Variants in FIGN observed in about 807,000 individuals in gnomAD.
FIGN encodes fidgetin, microtubule severing factor.
A neutral mutation model predicts 51.3 loss-of-function variants in FIGN; 11 were observed. That is an observed-to-expected ratio of 0.21 (90% CI 0.13 to 0.35). The LOEUF (loss-of-function observed/expected upper bound fraction) is 0.35, where lower values mean the gene tolerates loss of function less well. Ranked by LOEUF, FIGN falls within the 10% of genes least tolerant of loss-of-function variation. The pLI is 1.00. For missense variants in FIGN, 857 were observed against 943.6 expected, an observed-to-expected ratio of 0.91 and a Z score of 1.20; for synonymous variants, 407 against 363.2, an observed-to-expected ratio of 1.12 and a Z score of -1.37.
intron 2 of FIGN, among the ~76,000 whole-genome samples, chr2:163,670,654 T>C (rs1683861584): frequency 6.6e-6 from 1 of 152,234 alleles, no homozygotes; most frequent in South Asian, 2.1e-4. Flanking sequence ...TCGATGTATA[T>C]ATTGTAGAAA....
intron 2 of FIGN, among the ~76,000 whole-genome samples, chr2:163,627,963 T>C (rs1004056466): frequency 4.0e-4 from 61 of 152,270 alleles, no homozygotes; most frequent in African/African-American, 1.4e-3. Flanking sequence ...AGAGAAAATA[T>C]ATTGTAAGTC....
chr2:163,689,924 A>G (rs1054871728), intron 2 of FIGN, among the ~76,000 whole-genome samples: 4 of 152,170 alleles, frequency 2.6e-5, no homozygotes, highest in African/African-American at 9.6e-5. Flanking sequence ...TGTAACTAGA[A>G]TACTTGTACT....
intron 2 of FIGN, among the ~76,000 whole-genome samples, chr2:163,694,485 G>A (rs1313710426): frequency 6.6e-6 from 1 of 152,152 alleles, no homozygotes; most frequent in Non-Finnish European, 1.5e-5. Flanking sequence ...GGGCAAGCAA[G>A]AAGGAGGGTG....
At chr2:163,695,316 G>A (rs1029774959) in intron 2 of FIGN, among the ~76,000 whole-genome samples, 5 of 151,890 alleles carry the variant, frequency 3.3e-5, no homozygotes, top group Non-Finnish European at 2.9e-5. Context: ...CAGGCACATG[G>A]AACTTGTGAT....
At chr2:163,691,758 C>T (rs1332704857) in intron 2 of FIGN, among the ~76,000 whole-genome samples, 1 of 151,624 alleles carries the variant, frequency 6.6e-6, no homozygotes, top group Non-Finnish European at 1.5e-5. Context: ...ATTAACCCTT[C>T]TGAGCATTAA....
intron 2 of FIGN, among the ~76,000 whole-genome samples, chr2:163,727,899 G>C (rs572857590): frequency 1.3e-5 from 2 of 152,258 alleles, no homozygotes; most frequent in East Asian, 3.9e-4. Context: ...GGGAAGCAAC[G>C]ATGTAAATGT....
intron 2 of FIGN, among the ~76,000 whole-genome samples, chr2:163,694,604 A>G (rs1442250786): frequency 6.6e-6 from 1 of 152,216 alleles, no homozygotes; most frequent in Non-Finnish European, 1.5e-5. Context: ...CTTACTTTAC[A>G]TATGAAGAAA....
intron 2 of FIGN, among the ~76,000 whole-genome samples, chr2:163,668,519 T>G (rs1049119115): frequency 1.3e-5 from 2 of 152,192 alleles, no homozygotes; most frequent in Non-Finnish European, 2.9e-5. Context: ...GAGATAGGAA[T>G]GAAAGCCTGA....
intron 2 of FIGN, among the ~76,000 whole-genome samples, chr2:163,712,856 T>C (rs1249596768): frequency 3.3e-5 from 5 of 152,308 alleles, no homozygotes; most frequent in African/African-American, 4.8e-5. Flanking sequence ...AATACTCTAA[T>C]TGATTATTTA....
chr2:163,676,781 G>A (rs1279977923), intron 2 of FIGN, among the ~76,000 whole-genome samples: 1 of 151,922 alleles, frequency 6.6e-6, no homozygotes, highest in East Asian at 1.9e-4. Context: ...AGTACCTGAA[G>A]TCATCCTTTT....
intron 2 of FIGN, among the ~76,000 whole-genome samples, chr2:163,677,606 C>G (rs1683992272): frequency 6.6e-6 from 1 of 152,182 alleles, no homozygotes; most frequent in Admixed American, 6.5e-5. Flanking sequence ...CTACATTTTC[C>G]TTTACTTTTA....
rs1255614642 is a variant in FIGN at position 163,660,703 on chromosome 2, G to A, written c.26-48897C>T. 5.7e-4 allele frequency among the ~76,000 whole-genome samples: 48 copies of A among 83,900 alleles called. 2 individuals carry two copies. In the East Asian group the frequency reaches 6.1e-3, roughly 11 times the overall value. 55.0% of individuals were successfully genotyped at this position (83,900 alleles called of 152,430 possible). A position where few individuals can be genotyped will look rare whatever the true frequency, so the allele number is the denominator to read the frequency against. On this transcript the variant is annotated intron_variant, in intron 2 of 2. Transcript: ENST00000333129. ...TATATATACACATATACATATATAT[G>A]TATACACATATACATATATATGTAT...
intron 2 of FIGN, among the ~76,000 whole-genome samples, chr2:163,661,619 C>T (rs569097420): frequency 6.6e-6 from 1 of 152,074 alleles, no homozygotes; most frequent in African/African-American, 2.4e-5. Context: ...TGGGTGTGTC[C>T]CCACCCAAAT....
chr2:163,612,616 C>T (rs1682775162), intron 2 of FIGN: 1 of 984,674 alleles, frequency 1.0e-6, no homozygotes, highest in Non-Finnish European at 1.2e-6. Context: ...ACTTGTCTGT[C>T]GGTCTTCTAG....
rs146356282 is a variant in FIGN at position 163,660,528 on chromosome 2, A to G, written c.26-48722T>C. On this transcript the variant is annotated intron_variant, in intron 2 of 2. Coordinates refer to ENST00000333129, the MANE Select transcript of FIGN (RefSeq NM_018086.4). ...TATTCTATCTTTTACAATTTGAGAT[A>G]GCCAAGTCAAGACTTAATTTCATAC... Among the ~76,000 whole-genome samples, 459 of 151,732 alleles carry G rather than the reference A, an allele frequency of 3.0e-3. 1 individual carries two copies. The highest frequency in any genetic ancestry group is 0.01 in the African/African-American group (434 of 41,378).
At position 163,610,611 on chromosome 2, in the gene FIGN, A is replaced by G. The variant is rs1691223576; in HGVS notation, c.1221T>C (p.Ala407=). 1 of 1,614,024 alleles carries G rather than the reference A, an allele frequency of 6.2e-7. No homozygotes were observed. The highest frequency in any genetic ancestry group is 1.3e-5 in the African/African-American group (1 of 74,928). Residue 407 remains alanine, a synonymous_variant, in exon 3 of 3, where the codon GCT becomes GCC. Transcript: ENST00000333129. ...RALTPPSYST[A]KNSLGSRSSE... ...TGGATCTTGATCCCAATGAATTTTT[A>G]GCAGTACTGTAGGAAGGAGGGGTCA...
intron 2 of FIGN, among the ~76,000 whole-genome samples, chr2:163,645,640 T>C (rs950955039): frequency 2.6e-5 from 4 of 152,172 alleles, no homozygotes; most frequent in African/African-American, 9.7e-5. Flanking sequence ...CTTTGGATCC[T>C]GACAGTGGTT....
Position 163,621,142 on chromosome 2 carries a change from A to G in FIGN, c.26-9336T>C, listed in dbSNP as rs558411185. 2.0e-5 allele frequency among the ~76,000 whole-genome samples: 3 copies of G among 152,270 alleles called. No individual in the cohort carries two copies. The South Asian group carries it at 6.2e-4, about 32-fold the overall frequency. ...TGTAAGATTGAGCACTGTCTCATAT[A>G]ATTAGACAAAAGAGTAAGAATGTTA... On this transcript the variant is annotated intron_variant, in intron 2 of 2. Transcript: ENST00000333129.
At position 163,604,936 on chromosome 2, in the gene FIGN, C is replaced by CTTTTGTTTTTTTT. The variant is rs1691055758; in HGVS notation, c.*4615_*4616insAAAAAAAACAAAA. 2 of 94,258 alleles carry CTTTTGTTTTTTTT rather than the reference C, an allele frequency of 2.1e-5. No individual in the cohort carries two copies. Among genetic ancestry groups the CTTTTGTTTTTTTT allele is most frequent in the Non-Finnish European group, 3.8e-5 (2 of 53,126 alleles). 5.8% of individuals were successfully genotyped at this position (94,258 alleles called of 1,614,324 possible). A position where few individuals can be genotyped will look rare whatever the true frequency, so the allele number is the denominator to read the frequency against. On this transcript the variant is annotated 3_prime_UTR_variant, in exon 3 of 3. Coordinates refer to ENST00000333129, the MANE Select transcript of FIGN (RefSeq NM_018086.4). ...TTTTAAGCCCAGAAATAAACTTTTGCTTTTTTTTTTTTTTTTTTTGTATCA... is the reference window on the plus strand; with the variant it reads ...TTTTAAGCCCAGAAATAAACTTTTGCTTTTGTTTTTTTTTTTTTTTTTTTTTTTTTTTGTATCA...
Sources: gnomAD v4.1 joint callset for allele counts (sites outside exome capture counted in the v4.1 genomes callset) on GRCh38, gnomAD v4.1.1 for gene constraint, MANE v1.5 for transcripts, NCBI Gene and HGNC (gene_info 2026-07-23, HGNC 2026-07-21) for gene names.